DMD: variants seen among roughly 807,000 people sequenced by gnomAD.
DMD encodes the protein dystrophin, also known as mutant dystrophin.
A neutral mutation model predicts 330.1 loss-of-function variants in DMD; 63 were observed. The ratio of observed to expected loss-of-function variants is 0.19; its 90% confidence interval spans 0.16 to 0.24. The LOEUF (loss-of-function observed/expected upper bound fraction) is 0.24. DMD is among the 10% of genes least tolerant of loss of function. DMD has a pLI of 1.00. For missense variants in DMD, 3,344 were observed against 2,684.1 expected (o/e 1.25, Z -5.43); for synonymous variants, 1,223 against 959.8 (o/e 1.27, Z -5.07).
chrX:33,248,568 C>G (rs1438978496), intron 1 of DMD, among the ~76,000 whole-genome samples: 2 of 111,166 alleles, frequency 1.8e-5, no homozygotes, highest in South Asian at 7.4e-4. Flanking sequence ...AGACCAGAAA[C>G]TCTGAAAATT....
rs746994938 is a variant in DMD, at chrX:31,130,410, A to G, written c.11014+3692T>C. 4.8e-4 allele frequency among the ~76,000 whole-genome samples: 54 copies of G among 112,040 alleles called. No homozygotes were observed. In the Middle Eastern group the frequency reaches 0.014, roughly 29 times the overall value. On this transcript the variant is annotated intron_variant, in intron 77 of 78. Coordinates refer to ENST00000357033, the MANE Select transcript of DMD (RefSeq NM_004006.3). Reference sequence around the variant, plus strand: ...ATACTTACAAAGGAAGAGATTAGAGATAGACAGATTAGATAGAAATTGGCT... The same window carrying G: ...ATACTTACAAAGGAAGAGATTAGAGGTAGACAGATTAGATAGAAATTGGCT...
intron 50 of DMD, among the ~76,000 whole-genome samples, chrX:31,782,040 C>G (rs1314450966): frequency 9.0e-6 from 1 of 111,410 alleles, no homozygotes; most frequent in Non-Finnish European, 1.9e-5. Flanking sequence ...GCTTCTCTTT[C>G]CAACATGATA....
chrX:32,178,239 T>C (rs762485256), intron 44 of DMD, among the ~76,000 whole-genome samples: 1 of 109,016 alleles, frequency 9.2e-6, no homozygotes, highest in Non-Finnish European at 1.9e-5. Flanking sequence ...CTACTTTTCA[T>C]GTACACTAGA....
At chrX:31,951,828 G>A (rs955776815) in intron 45 of DMD, among the ~76,000 whole-genome samples, 5 of 111,419 alleles carry the variant, frequency 4.5e-5, no homozygotes, top group African/African-American at 1.3e-4. Context: ...TTGGGTTCGA[G>A]TTACTGAATA....
intron 1 of DMD, among the ~76,000 whole-genome samples, chrX:33,128,717 AAAG>A (rs1029970108): frequency 3.6e-5 from 4 of 112,054 alleles, no homozygotes; most frequent in African/African-American, 1.3e-4. Flanking sequence ...AAGGAAGCAA[AAAG>A]AAGAGACTGG....
intron 1 of DMD, among the ~76,000 whole-genome samples, chrX:33,298,148 A>T (rs1021797924): frequency 9.0e-6 from 1 of 111,347 alleles, no homozygotes; most frequent in Non-Finnish European, 1.9e-5. Context: ...GGACAAACTG[A>T]TATTTAGCCA....
chrX:33,191,128 A>T (rs1288168761), intron 1 of DMD, among the ~76,000 whole-genome samples: 1 of 98,175 alleles, frequency 1.0e-5, no homozygotes, highest in African/African-American at 3.6e-5. Flanking sequence ...AAGTTTTACT[A>T]ATTAAATATC....
intron 47 of DMD, among the ~76,000 whole-genome samples, chrX:31,888,263 C>G (rs772543134): frequency 9.0e-6 from 1 of 111,507 alleles, no homozygotes; most frequent in African/African-American, 3.3e-5. Context: ...GTGGTAATAT[C>G]CGTGTAATTA....
chrX:32,861,968 C>A (rs1342566798), intron 2 of DMD, among the ~76,000 whole-genome samples: 2 of 112,067 alleles, frequency 1.8e-5, no homozygotes, highest in African/African-American at 6.5e-5. Context: ...ATTTCTATCT[C>A]TGGTGATGTC....
intron 4 of DMD, among the ~76,000 whole-genome samples, chrX:32,842,905 C>A (rs747085117): frequency 1.1e-4 from 12 of 111,279 alleles, no homozygotes; most frequent in African/African-American, 3.6e-4. Context: ...CCTCTGGGTT[C>A]AAGCAATTCT....
chrX:33,114,590 AAAC>A (rs997992891), intron 1 of DMD, among the ~76,000 whole-genome samples: 2 of 111,797 alleles, frequency 1.8e-5, no homozygotes, highest in Non-Finnish European at 3.8e-5. Context: ...AGACCAAATC[AAAC>A]AACAAGAGCG....
chrX:31,180,109 C>T (rs1001203685), intron 69 of DMD, among the ~76,000 whole-genome samples: 23 of 111,272 alleles, frequency 2.1e-4, no homozygotes, highest in African/African-American at 7.5e-4. Flanking sequence ...GTCTTCAATA[C>T]AACCATGCAC....
chrX:32,254,472 G>T (rs993785725), intron 43 of DMD, among the ~76,000 whole-genome samples: 3 of 112,136 alleles, frequency 2.7e-5, no homozygotes, highest in South Asian at 7.3e-4. Context: ...TGCTTACTGG[G>T]TATCTACTTG....
chrX:32,123,085 A>G (rs2096644112), intron 44 of DMD, among the ~76,000 whole-genome samples: 2 of 104,853 alleles, frequency 1.9e-5, no homozygotes, highest in African/African-American at 3.5e-5. Context: ...CAAATGAGAC[A>G]TGTGTAGTCT....
chrX:32,171,157 T>G, intron 44 of DMD, among the ~76,000 whole-genome samples: 1 of 111,780 alleles, frequency 8.9e-6, no homozygotes, highest in East Asian at 2.8e-4. Flanking sequence ...ATACATATTT[T>G]ATTTTGTCCA....
intron 47 of DMD, among the ~76,000 whole-genome samples, chrX:31,921,015 C>T (rs2094683068): frequency 1.8e-5 from 2 of 111,441 alleles, no homozygotes; most frequent in South Asian, 7.5e-4. Flanking sequence ...GGTGAGGTTT[C>T]CTAATAGAAA....
At chrX:32,481,644 C>G (rs909691752) in intron 21 of DMD, among the ~76,000 whole-genome samples, 1 of 111,642 alleles carries the variant, frequency 9.0e-6, no homozygotes, top group African/African-American at 3.2e-5. Context: ...TTTCATTTCT[C>G]CTAATGTCCT....
chrX:31,214,942 T>C lies in DMD; in HGVS notation c.9362-5243A>G, dbSNP rs370500084. On this transcript the variant is annotated intron_variant, in intron 64 of 78. Coordinates refer to ENST00000357033, the MANE Select transcript of DMD (RefSeq NM_004006.3). ...TACTTTTTTATTTCTTTTTTCTTTTTTTTTTTTTTTTTTTTTTGAGACCGA... is the reference window on the plus strand; with the variant it reads ...TACTTTTTTATTTCTTTTTTCTTTTCTTTTTTTTTTTTTTTTTGAGACCGA... Among the ~76,000 whole-genome samples, 17 of 55,726 alleles carry C rather than the reference T, an allele frequency of 3.1e-4. 1 individual carries two copies. Among genetic ancestry groups the C allele is most frequent in the African/African-American group, 7.9e-4 (10 of 12,660 alleles). 48.4% of individuals were successfully genotyped at this position (55,726 alleles called of 115,157 possible).
At chrX:32,872,367 C>T (rs1199346109) in intron 2 of DMD, among the ~76,000 whole-genome samples, 1 of 111,889 alleles carries the variant, frequency 8.9e-6, no homozygotes, top group Non-Finnish European at 1.9e-5. Flanking sequence ...GGATCACACA[C>T]AGTGAATTGC....
Sources: allele counts gnomAD v4.1 joint callset (sites outside exome capture counted in the v4.1 genomes callset), GRCh38; gene constraint gnomAD v4.1.1; transcripts MANE v1.5; gene names NCBI Gene and HGNC (gene_info 2026-07-23, HGNC 2026-07-21).